DCC: variants seen among roughly 807,000 people sequenced by gnomAD.
DCC encodes the protein netrin receptor DCC.
DCC carries 58 observed loss-of-function variants against 172.5 expected under a neutral mutation model. The observed-to-expected ratio is 0.34, with a 90% CI of 0.27 to 0.42. The LOEUF (loss-of-function observed/expected upper bound fraction) is 0.42. Among genes scored for constraint, DCC ranks in the 10% least tolerant of loss-of-function variants. The pLI, the probability that DCC is intolerant of heterozygous loss-of-function variation, is 1.00. For synonymous variants in DCC, 709 were observed against 644.5 expected (o/e 1.10, Z -1.52); for missense variants, 1,740 against 1,791.0 (o/e 0.97, Z 0.51).
At chr18:53,306,236 G>A (rs140991921) in intron 13 of DCC, among the ~76,000 whole-genome samples, 1 of 152,254 alleles carries the variant, frequency 6.6e-6, no homozygotes, top group African/African-American at 2.4e-5. Flanking sequence ...CCTTCTCTAT[G>A]AAAACTGGAC....
At chr18:53,413,284 C>T (rs1329333417) in intron 20 of DCC, among the ~76,000 whole-genome samples, 2 of 152,086 alleles carry the variant, frequency 1.3e-5, no homozygotes, top group Non-Finnish European at 2.9e-5. Context: ...CTGAAATGTG[C>T]CTCTCCCCTA....
intron 22 of DCC, among the ~76,000 whole-genome samples, chr18:53,440,152 T>G (rs1487961813): frequency 6.6e-6 from 1 of 152,236 alleles, no homozygotes; most frequent in South Asian, 2.1e-4. Flanking sequence ...AAATGTGTTT[T>G]GTAGTTTATA....
chr18:52,352,309 A>G (rs988729773), intron 1 of DCC, among the ~76,000 whole-genome samples: 1 of 152,228 alleles, frequency 6.6e-6, no homozygotes, highest in African/African-American at 2.4e-5. Flanking sequence ...AACCTGCCTC[A>G]ATTTTATTGT....
At chr18:52,393,628 A>G (rs890026345) in intron 1 of DCC, among the ~76,000 whole-genome samples, 1 of 152,082 alleles carries the variant, frequency 6.6e-6, no homozygotes, top group Non-Finnish European at 1.5e-5. Flanking sequence ...CTGCTAAATC[A>G]TAATATCTGG....
chr18:53,519,106 A>C (rs535846649), intron 27 of DCC, among the ~76,000 whole-genome samples: 4 of 152,158 alleles, frequency 2.6e-5, no homozygotes, highest in Admixed American at 6.5e-5. Context: ...CAAGAAATCC[A>C]AATGTAAAGT....
rs78366935 is a variant in DCC, at chr18:52,777,674, A to C, written c.412+25300A>C. Among the ~76,000 whole-genome samples the C allele has an allele frequency of 2.5e-3, 384 of 152,320 alleles. 7 individuals are homozygous for C. The East Asian group carries it at 0.068, about 27-fold the overall frequency. Reference sequence around the variant, plus strand: ...GCAGTGGATGCAAAATCAGGAAATAATAAAGGAACATTCCAGAAAGATACC... The same window carrying C: ...GCAGTGGATGCAAAATCAGGAAATACTAAAGGAACATTCCAGAAAGATACC... On this transcript the variant is annotated intron_variant, in intron 2 of 28. Coordinates refer to ENST00000442544, the MANE Select transcript of DCC (RefSeq NM_005215.4).
At chr18:52,895,304 C>G (rs555113645) in intron 2 of DCC, among the ~76,000 whole-genome samples, 1 of 152,262 alleles carries the variant, frequency 6.6e-6, no homozygotes, top group East Asian at 1.9e-4. Context: ...AAAGCCTCAG[C>G]CTGAATTCTG....
intron 15 of DCC, 140 bp downstream of exon 15, chr18:53,340,047 T>TACACACACAC (rs151131015): frequency 0.017 from 9,993 of 590,508 alleles, 54 homozygotes; most frequent in Non-Finnish European, 0.02. Flanking sequence ...ACTGTCTATC[T>TACACACACAC]ACACACACAC....
At chr18:53,145,417 G>C (rs1468854776) in intron 7 of DCC, among the ~76,000 whole-genome samples, 1 of 152,154 alleles carries the variant, frequency 6.6e-6, no homozygotes, top group East Asian at 1.9e-4. Flanking sequence ...CCAGCCCAGG[G>C]CTCTGCTTTT....
At position 52,855,932 on chromosome 18, in the gene DCC, A is replaced by G. The variant is rs550522181; in HGVS notation, c.413-50112A>G. On this transcript the variant is annotated intron_variant, in intron 2 of 28. Coordinates refer to ENST00000442544, the MANE Select transcript of DCC (RefSeq NM_005215.4). ...AGGCACGTGCCACCATGCTCGGCTGATTTTTTATTTTTAGTAGAGACGGGG... is the reference window on the plus strand; with the variant it reads ...AGGCACGTGCCACCATGCTCGGCTGGTTTTTTATTTTTAGTAGAGACGGGG... 2.7e-3 allele frequency among the ~76,000 whole-genome samples: 404 copies of G among 151,708 alleles called. 1 individual carries two copies. The highest frequency in any genetic ancestry group is 9.2e-3 in the African/African-American group (381 of 41,376).
chr18:52,430,344 G>C (rs1987579122), intron 1 of DCC, among the ~76,000 whole-genome samples: 2 of 134,474 alleles, frequency 1.5e-5, no homozygotes, highest in African/African-American at 5.7e-5. Flanking sequence ...AGGCAACGGT[G>C]GTGAGGGAGA....
At chr18:52,909,972 GA>G (rs1369674422) in intron 3 of DCC, among the ~76,000 whole-genome samples, 1 of 152,100 alleles carries the variant, frequency 6.6e-6, no homozygotes, top group African/African-American at 2.4e-5. Context: ...AAAGAAAATA[GA>G]GATCAAAAGC....
Position 52,870,865 on chromosome 18 carries a change from C to T in DCC, c.413-35179C>T, listed in dbSNP as rs142107614. Among the ~76,000 whole-genome samples the T allele has an allele frequency of 2.7e-3, 412 of 152,188 alleles. 2 individuals are homozygous for T. Among genetic ancestry groups the T allele is most frequent in the African/African-American group, 8.8e-3 (365 of 41,530 alleles). On this transcript the variant is annotated intron_variant, in intron 2 of 28. Coordinates refer to ENST00000442544, the MANE Select transcript of DCC (RefSeq NM_005215.4). ...TTGATTTGAGTAAAAACTTTGTCTC[C>T]CATGTTGCATAGCCAGCTTCATATC...
At chr18:53,199,421 A>G (rs2055500578) in intron 9 of DCC, among the ~76,000 whole-genome samples, 2 of 151,942 alleles carry the variant, frequency 1.3e-5, no homozygotes, top group South Asian at 4.1e-4. Context: ...GTCTCCCTTT[A>G]TTTCATTTTC....
At chr18:52,963,473 G>C (rs1425808195) in intron 5 of DCC, among the ~76,000 whole-genome samples, 1 of 152,098 alleles carries the variant, frequency 6.6e-6, no homozygotes, top group Non-Finnish European at 1.5e-5. Context: ...GCAAATGGAT[G>C]CAATTTAGTG....
intron 5 of DCC, among the ~76,000 whole-genome samples, chr18:53,057,102 A>AAGCAAGTC (rs1555702605): frequency 6.9e-6 from 1 of 144,562 alleles, no homozygotes; most frequent in East Asian, 2.1e-4. Flanking sequence ...AAAAAAAAAA[A>AAGCAAGTC]AGCAAGTCTT....
chr18:52,672,233 A>G (rs2035567172), intron 1 of DCC, among the ~76,000 whole-genome samples: 1 of 152,236 alleles, frequency 6.6e-6, no homozygotes, highest in South Asian at 2.1e-4. Context: ...ATATTTAACA[A>G]TAAAATTTTT....
At chr18:52,975,661 C>G (rs552437984) in intron 5 of DCC, among the ~76,000 whole-genome samples, 2 of 152,082 alleles carry the variant, frequency 1.3e-5, no homozygotes, top group Non-Finnish European at 2.9e-5. Flanking sequence ...GCTTCCAAAT[C>G]CATCCATGTT....
intron 1 of DCC, among the ~76,000 whole-genome samples, chr18:52,598,941 C>T (rs578092824): frequency 6.6e-6 from 1 of 152,136 alleles, no homozygotes; most frequent in Non-Finnish European, 1.5e-5. Context: ...AACAAACTTC[C>T]TCTATCAAGC....
Sources: gnomAD v4.1 joint callset for allele counts (sites outside exome capture counted in the v4.1 genomes callset) on GRCh38, gnomAD v4.1.1 for gene constraint, MANE v1.5 for transcripts, NCBI Gene and HGNC (gene_info 2026-07-23, HGNC 2026-07-21) for gene names.